The following GPC6 variants were observed in gnomAD, a reference collection of about 807,000 sequenced individuals.
GPC6 encodes glypican-6.
A neutral mutation model predicts 55.2 loss-of-function variants in GPC6; 14 were observed. The ratio of observed to expected loss-of-function variants is 0.25; its 90% CI spans 0.17 to 0.40. The LOEUF (loss-of-function observed/expected upper bound fraction) is 0.40. GPC6 is among the 10% of genes least tolerant of loss of function. GPC6 has a pLI of 1.00. For missense variants in GPC6, 641 were observed against 708.5 expected (o/e 0.90, Z 1.08); for synonymous variants, 278 against 259.6 (o/e 1.07, Z -0.68).
At chr13:93,535,226 AAC>A (rs753364067) in intron 1 of GPC6, among the ~76,000 whole-genome samples, 79 of 152,140 alleles carry the variant, frequency 5.2e-4, no homozygotes, top group Non-Finnish European at 9.3e-4. Context: ...ATGAGTGGGA[AAC>A]TCTTAAAAGG....
At chr13:93,314,009 T>G (rs1051877810) in intron 1 of GPC6, among the ~76,000 whole-genome samples, 1 of 152,300 alleles carries the variant, frequency 6.6e-6, no homozygotes. Flanking sequence ...AACTTTAGTT[T>G]GTTCTTGGTT....
intron 3 of GPC6, among the ~76,000 whole-genome samples, chr13:94,010,090 T>C (rs1277288606): frequency 1.3e-5 from 2 of 152,104 alleles, no homozygotes; most frequent in African/African-American, 4.8e-5. Flanking sequence ...AAATTGAAGA[T>C]CAAATAATCG....
intron 4 of GPC6, among the ~76,000 whole-genome samples, chr13:94,104,218 G>C (rs1004067688): frequency 2.0e-4 from 31 of 152,070 alleles, no homozygotes; most frequent in African/African-American, 7.2e-4. Context: ...ATTTCTGAGG[G>C]CTCTGTTCTG....
intron 2 of GPC6, among the ~76,000 whole-genome samples, chr13:93,597,007 C>CAAAAAAAAAAAA (rs10709473): frequency 5.1e-4 from 35 of 68,024 alleles, no homozygotes; most frequent in South Asian, 7.2e-4. Context: ...TCAAATCTGG[C>CAAAAAAAAAAAA]AAAAAAAAAA....
chr13:93,848,323 C>G (rs1339415583), intron 3 of GPC6, among the ~76,000 whole-genome samples: 1 of 152,080 alleles, frequency 6.6e-6, no homozygotes, highest in Non-Finnish European at 1.5e-5. Context: ...TCAAGCAACA[C>G]AATCATTTTG....
At chr13:93,661,436 A>G (rs1880916441) in intron 2 of GPC6, among the ~76,000 whole-genome samples, 1 of 151,998 alleles carries the variant, frequency 6.6e-6, no homozygotes, top group African/African-American at 2.4e-5. Context: ...CTGGTCTTGA[A>G]TCCCTGACCT....
intron 1 of GPC6, among the ~76,000 whole-genome samples, chr13:93,488,691 G>C (rs999236057): frequency 4.6e-5 from 7 of 152,036 alleles, no homozygotes; most frequent in African/African-American, 1.7e-4. Context: ...ATCTCAGTGT[G>C]GTTTTGATTT....
At chr13:93,996,319 G>A (rs755149618) in intron 3 of GPC6, among the ~76,000 whole-genome samples, 5 of 152,284 alleles carry the variant, frequency 3.3e-5, no homozygotes, top group South Asian at 2.1e-4. Flanking sequence ...GCTTCTGATC[G>A]TTTCAGCTAC....
chr13:94,282,897 G>A (rs528417057), intron 4 of GPC6, among the ~76,000 whole-genome samples: 1 of 152,238 alleles, frequency 6.6e-6, no homozygotes, highest in African/African-American at 2.4e-5. Context: ...TCAGAGGACA[G>A]GACATAAACC....
chr13:93,421,258 T>C (rs1876912033), intron 1 of GPC6, among the ~76,000 whole-genome samples: 2 of 152,066 alleles, frequency 1.3e-5, no homozygotes, highest in Admixed American at 1.3e-4. Context: ...AATGTTTCCT[T>C]GGGACTAGCA....
intron 3 of GPC6, among the ~76,000 whole-genome samples, chr13:93,992,177 G>GTATATATA (rs143395246): frequency 3.2e-4 from 47 of 146,352 alleles, no homozygotes; most frequent in Admixed American, 7.5e-4. Flanking sequence ...AGATATGTGT[G>GTATATATA]TATATATATA....
rs574135498 is a variant in GPC6 at position 94,345,813 on chromosome 13, A to C, written c.1153-36601A>C. Among the ~76,000 whole-genome samples, 5 of 152,338 alleles carry C rather than the reference A, an allele frequency of 3.3e-5. No homozygotes were observed. The East Asian group carries it at 9.6e-4, about 29-fold the overall frequency. On this transcript the variant is annotated intron_variant, in intron 6 of 8. Coordinates refer to ENST00000377047, the MANE Select transcript of GPC6 (RefSeq NM_005708.5). ...TAGGATTGCTACAACAAAGTACCAC[A>C]AACGGAGTGGCTTAATACAAGAGAA...
At chr13:93,484,890 C>G (rs538511220) in intron 1 of GPC6, among the ~76,000 whole-genome samples, 1 of 152,242 alleles carries the variant, frequency 6.6e-6, no homozygotes, top group African/African-American at 2.4e-5. Flanking sequence ...TTGTGCATTA[C>G]TTTCAAAGAT....
intron 2 of GPC6, among the ~76,000 whole-genome samples, chr13:93,587,643 G>A (rs1877268162): frequency 6.6e-6 from 1 of 151,964 alleles, no homozygotes; most frequent in South Asian, 2.1e-4. Flanking sequence ...AGATTTTTAG[G>A]CAAAAATTCC....
At chr13:94,068,150 CA>C (rs1336547214) in intron 4 of GPC6, among the ~76,000 whole-genome samples, 2 of 152,142 alleles carry the variant, frequency 1.3e-5, no homozygotes, top group Non-Finnish European at 2.9e-5. Flanking sequence ...CTTATAGTTC[CA>C]CATGGCTGGG....
At chr13:93,563,939 A>T (rs1310641252) in intron 2 of GPC6, among the ~76,000 whole-genome samples, 30 of 152,058 alleles carry the variant, frequency 2.0e-4, no homozygotes, top group Admixed American at 2.0e-3. Context: ...TACATGAATA[A>T]GTTCTTCAGT....
At chr13:93,908,289 C>G (rs996255101) in intron 3 of GPC6, among the ~76,000 whole-genome samples, 4 of 152,084 alleles carry the variant, frequency 2.6e-5, no homozygotes, top group East Asian at 1.9e-4. Flanking sequence ...TTAAGTATGT[C>G]AAGGTCAGAT....
Position 93,677,900 on chromosome 13 carries a change from A to G in GPC6, c.319+132479A>G, listed in dbSNP as rs563553323. Among the ~76,000 whole-genome samples the G allele has an allele frequency of 6.6e-5, 10 of 152,262 alleles. No homozygotes were observed. The South Asian group carries it at 2.1e-3, about 32-fold the overall frequency. ...TACTGATACCTATGTAACTAATTGC[A>G]TTTGTGTTAATATTTCAATTAAACT... On this transcript the variant is annotated intron_variant, in intron 2 of 8. Coordinates refer to ENST00000377047, the MANE Select transcript of GPC6 (RefSeq NM_005708.5).
chr13:93,647,758 G>C (rs1055129401), intron 2 of GPC6, among the ~76,000 whole-genome samples: 2 of 152,000 alleles, frequency 1.3e-5, no homozygotes, highest in Non-Finnish European at 2.9e-5. Flanking sequence ...ATTTCAGTTC[G>C]CTCACTGCTT....
Sources: gnomAD v4.1 joint callset for allele counts (sites outside exome capture counted in the v4.1 genomes callset) on GRCh38, gnomAD v4.1.1 for gene constraint, MANE v1.5 for transcripts, NCBI Gene and HGNC (gene_info 2026-07-23, HGNC 2026-07-21) for gene names.